Variants in KLHDC7B observed in about 807,000 individuals in gnomAD.
KLHDC7B encodes the protein kelch domain containing 7B.
A neutral mutation model predicts 0.6 loss-of-function variants in KLHDC7B; 1 was observed. The observed-to-expected ratio is 1.71, with a 90% CI of 0.61 to 8.11. The LOEUF is 8.11. Ranked by LOEUF, KLHDC7B falls within the 30% of genes most tolerant of loss-of-function variation. KLHDC7B has a pLI of 0.13. For synonymous variants in KLHDC7B, 462 were observed against 405.2 expected (o/e 1.14, Z -1.68); for missense variants, 993 against 894.9 (o/e 1.11, Z -1.40).
rs751746227 is a variant in KLHDC7B, at chr22:50,548,649, G to T, written c.2406G>T (p.Glu802Asp). 1 of 1,532,312 alleles carries T rather than the reference G, an allele frequency of 6.5e-7. No individual in the cohort carries two copies. The highest frequency in any genetic ancestry group is 2.0e-5 in the Admixed American group (1 of 48,954). The allele number at this position is 1,532,312 out of a possible 1,614,324, so 94.9% of individuals were successfully genotyped here. A position where few individuals can be genotyped will look rare whatever the true frequency, so the allele number is the denominator to read the frequency against. ...SGDPQGEAPG[E>D]GGSPAGRSGA... Reference sequence around the variant, plus strand: ...ACCCTCAAGGGGAGGCGCCGGGGGAGGGGGGCAGCCCTGCCGGCCGCAGCG... The same window carrying T: ...ACCCTCAAGGGGAGGCGCCGGGGGATGGGGGCAGCCCTGCCGGCCGCAGCG... The change falls in exon 1 of 1, where the codon GAG (glutamate) becomes GAT (aspartate). Residue 802 changes from glutamate to aspartate, a missense_variant. Coordinates refer to ENST00000648057, the MANE Select transcript of KLHDC7B (RefSeq NM_138433.5). This position sits in a 1 kb window ranked among gnomAD's most constrained non-coding sequence, Gnocchi z 5.3.
chr22:50,548,571 G>A lies in KLHDC7B; in HGVS notation c.2328G>A (p.Arg776=). 1 of 1,547,668 alleles carries A rather than the reference G, an allele frequency of 6.5e-7. No homozygotes were observed. Among genetic ancestry groups the A allele is most frequent in the East Asian group, 2.4e-5 (1 of 41,074 alleles). The change falls in exon 1 of 1, where the codon AGG becomes AGA. Residue 776 remains arginine, a synonymous_variant. Transcript: ENST00000648057. The surrounding 1 kb of genome is among the most constrained non-coding windows in gnomAD (Gnocchi z 5.3). The part of the protein sequence containing the change: ...QPVPQLRKRS[R]CEIAPSSEQE... ...TACCCCAGCTACGGAAACGCAGCAG[G>A]TGCGAAATCGCCCCGAGCTCGGAGC...
At position 50,547,070 on chromosome 22, in the gene KLHDC7B, T is replaced by C. The variant is rs968046894; in HGVS notation, c.827T>C (p.Leu276Pro). ...AAALDAHARG[L>P]PTGPPLAQEP... is the part of the protein sequence containing the mutation. ...GCCCTGGACGCCCACGCGCGCGGCC[T>C]CCCCACAGGACCCCCACTCGCCCAG... is the stretch of plus-strand genomic sequence containing the variant. The change falls in exon 1 of 1, where the codon CTC (leucine) becomes CCC (proline). Residue 276 changes from leucine to proline, a missense_variant. Coordinates refer to ENST00000648057, the MANE Select transcript of KLHDC7B (RefSeq NM_138433.5). 2.0e-5 allele frequency among the ~76,000 whole-genome samples: 3 copies of C among 151,644 alleles called. No homozygotes were observed. Among genetic ancestry groups the C allele is most frequent in the African/African-American group, 4.8e-5 (2 of 41,330 alleles).
At position 50,548,733 on chromosome 22, in the gene KLHDC7B, C is replaced by A; in HGVS notation, c.2490C>A (p.Pro830=). 1.4e-6 allele frequency: 2 copies of A among 1,476,254 alleles called. No homozygotes were observed. The highest frequency in any genetic ancestry group is 1.4e-5 in the South Asian group (1 of 72,634). The allele number at this position is 1,476,254 out of a possible 1,614,324, so 91.4% of individuals were successfully genotyped here. A position where few individuals can be genotyped will look rare whatever the true frequency, so the allele number is the denominator to read the frequency against. Residue 830 remains proline (P), a synonymous_variant, in exon 1 of 1, where the codon CCC becomes CCA. Coordinates refer to ENST00000648057, the MANE Select transcript of KLHDC7B (RefSeq NM_138433.5). This position sits in a 1 kb window ranked among gnomAD's most constrained non-coding sequence, Gnocchi z 5.3. ...ARKLMVFLQR[P]GGWGVVEGPR... ...AGCTCATGGTGTTTCTGCAGAGGCC[C>A]GGGGGTTGGGGGGTGGTGGAGGGGC...
Position 50,549,541 on chromosome 22 carries a change from C to T in KLHDC7B, c.3298C>T (p.Leu1100Phe), listed in dbSNP as rs201224475. The T allele has an allele frequency of 1.9e-6, 3 of 1,603,744 alleles. No individual in the cohort carries two copies. Among genetic ancestry groups the T allele is most frequent in the Non-Finnish European group, 2.6e-6 (3 of 1,173,910 alleles). ...GGACATCTACGTCACCGGGGGTCAC[C>T]TCTTCTACCGCCTGCTCAGGTACAG... Reference protein sequence around the residue: ...RGDIYVTGGHLFYRLLRYSPV... With the variant: ...RGDIYVTGGHFFYRLLRYSPV... The change falls in exon 1 of 1, where the codon CTC (leucine) becomes TTC (phenylalanine). Residue 1100 changes from leucine to phenylalanine, a missense_variant. Physicochemically the swap from Leu to Phe is conservative, Grantham distance 22. Transcript: ENST00000648057.
In KLHDC7B at chr22:50,549,074, C is replaced by G; in HGVS notation, c.2831C>G (p.Pro944Arg). ...QGGRSGLPRG[P>R]RGEEPPAAAP... ...GGCCGCTCAGGGCTCCCCAGGGGCC[C>G]TCGTGGCGAGGAGCCTCCTGCGGCG... is the stretch of plus-strand genomic sequence containing the variant. Residue 944 changes from proline (P) to arginine (R), a missense_variant, in exon 1 of 1, where the codon CCT (proline) becomes CGT (arginine). Transcript: ENST00000648057. The G allele has an allele frequency of 6.2e-7, 1 of 1,600,046 alleles. No individual in the cohort carries two copies. Among genetic ancestry groups the G allele is most frequent in the Non-Finnish European group, 8.5e-7 (1 of 1,179,320 alleles).
At position 50,549,594 on chromosome 22, in the gene KLHDC7B, C is replaced by A. The variant is rs775221131; in HGVS notation, c.1428C>A (p.Cys476Ter). 6.4e-7 allele frequency: 1 copy of A among 1,568,312 alleles called. No individual in the cohort carries two copies. Residue 476 changes from cysteine (C) to a stop codon, truncating the protein, a stop_gained, in exon 1 of 1, where the codon TGC (cysteine) becomes TGA (stop). Transcript: ENST00000395676. LOFTEE classifies it low-confidence loss of function (END_TRUNC). ...CCGTGAAGGATGCTTGGGACGAGTG[C>A]CCATACAGTGCCAGCCACCGGCGTT...
In KLHDC7B at chr22:50,549,614, G is replaced by A. The variant is rs765638437; in HGVS notation, c.3371G>A (p.Arg1124Gln). Residue 1124 changes from arginine (R) to glutamine (Q), a missense_variant, in exon 1 of 1, where the codon CGG becomes CAG. Arg to Gln is a conservative substitution (Grantham distance 43, BLOSUM62 1). Coordinates refer to ENST00000648057, the MANE Select transcript of KLHDC7B (RefSeq NM_138433.5). ...GAGTGCCCATACAGTGCCAGCCACCGGCGTTCCAGCGACATCGTGGCACTG... is the reference window on the plus strand; with the variant it reads ...GAGTGCCCATACAGTGCCAGCCACCAGCGTTCCAGCGACATCGTGGCACTG... ...WDECPYSASH[R>Q]RSSDIVALGG... 32 of 1,559,020 alleles carry A rather than the reference G, an allele frequency of 2.1e-5. No individual in the cohort carries two copies. The highest frequency in any genetic ancestry group is 6.0e-5 in the South Asian group (5 of 83,288).
Position 50,546,776 on chromosome 22 carries a change from A to C in KLHDC7B, c.533A>C (p.His178Pro), listed in dbSNP as rs2069733776. The change falls in exon 1 of 1, where the codon CAC becomes CCC. Residue 178 changes from histidine to proline, a missense_variant. His to Pro is a moderately conservative substitution (Grantham distance 77, BLOSUM62 -2). Transcript: ENST00000648057. Reference sequence around the variant, plus strand: ...GGGATGTCCGCCCCCCTCCTGATCCACTTCACTCCTCGGAGCCCTGGCAGC... The same window carrying C: ...GGGATGTCCGCCCCCCTCCTGATCCCCTTCACTCCTCGGAGCCCTGGCAGC... ...AGGMSAPLLI[H>P]FTPRSPGSEA... Among the ~76,000 whole-genome samples the C allele has an allele frequency of 6.6e-6, 1 of 152,034 alleles. No individual in the cohort carries two copies. The highest frequency in any genetic ancestry group is 2.4e-5 in the African/African-American group (1 of 41,424).
rs1305456977 is a variant in KLHDC7B at position 50,549,484 on chromosome 22, C to G, written c.3241C>G (p.Pro1081Ala). ...CGCGCCACTCCCCGCAGGCACCTTC[C>G]CTGTGGCCCACGAGGCTGTGGCCTG... Reference protein sequence around the residue: ...PRAPLPAGTFPVAHEAVACRG... With the variant: ...PRAPLPAGTFAVAHEAVACRG... The change falls in exon 1 of 1, where the codon CCT (proline) becomes GCT (alanine). Residue 1081 changes from proline to alanine, a missense_variant. By Grantham distance (27) the Pro-to-Ala change is conservative (BLOSUM62 -1). Transcript: ENST00000648057. 1 of 1,612,480 alleles carries G rather than the reference C, an allele frequency of 6.2e-7. No homozygotes were observed. The highest frequency in any genetic ancestry group is 8.5e-7 in the Non-Finnish European group (1 of 1,179,868).
At position 50,547,495 on chromosome 22, in the gene KLHDC7B, C is replaced by T. The variant is rs2069744759; in HGVS notation, c.1252C>T (p.Arg418Cys). 2.5e-6 allele frequency: 1 copy of T among 394,852 alleles called. No individual in the cohort carries two copies. The highest frequency in any genetic ancestry group is 2.1e-5 in the African/African-American group (1 of 48,464). The allele number at this position is 394,852 out of a possible 1,614,324, so 24.5% of individuals were successfully genotyped here. The change falls in exon 1 of 1, where the codon CGC (arginine) becomes TGC (cysteine). Residue 418 changes from arginine to cysteine, a missense_variant. By Grantham distance (180) the Arg-to-Cys change is radical. Coordinates refer to ENST00000648057, the MANE Select transcript of KLHDC7B (RefSeq NM_138433.5). Reference sequence around the variant, plus strand: ...CTCCCGGAGCCGTGAGCCTCGCCCGCGCTCCGCCTCCCCGCCCGCAGCTCC... The same window carrying T: ...CTCCCGGAGCCGTGAGCCTCGCCCGTGCTCCGCCTCCCCGCCCGCAGCTCC... Reference protein sequence around the residue: ...APSRSREPRPRSASPPAAPGP... With the variant: ...APSRSREPRPCSASPPAAPGP...
chr22:50,549,661 G>C lies in KLHDC7B; in HGVS notation c.3418G>C (p.Asp1140His), dbSNP rs750240598. 2.6e-6 allele frequency: 4 copies of C among 1,557,242 alleles called. No homozygotes were observed. The highest frequency in any genetic ancestry group is 2.3e-5 in the East Asian group (1 of 44,286). ...VALGGFLYRF[D>H]LLRGVGAAVM... ...ACTGGGGGGCTTCCTGTACCGCTTC[G>C]ACCTGCTGCGGGGCGTGGGCGCCGC... The change falls in exon 1 of 1, where the codon GAC (aspartate) becomes CAC (histidine). Residue 1140 changes from aspartate to histidine, a missense_variant. Asp to His is a moderately conservative substitution (Grantham distance 81). Transcript: ENST00000648057.
rs2069736605 is a variant in KLHDC7B at position 50,546,963 on chromosome 22, C to G, written c.720C>G (p.Asp240Glu). ...RRRRMDAGSG[D>E]RARRPRKLDP... ...GGCGGATGGACGCTGGCTCGGGAGA[C>G]AGAGCCCGCCGCCCCCGGAAACTGG... The change falls in exon 1 of 1, where the codon GAC (aspartate) becomes GAG (glutamate). Residue 240 changes from aspartate to glutamate, a missense_variant. By Grantham distance (45) the Asp-to-Glu change is conservative. Transcript: ENST00000648057. Among the ~76,000 whole-genome samples, 1 of 151,546 alleles carries G rather than the reference C, an allele frequency of 6.6e-6. No individual in the cohort carries two copies. The highest frequency in any genetic ancestry group is 1.5e-5 in the Non-Finnish European group (1 of 67,788).
In KLHDC7B at chr22:50,546,549, C is replaced by T. The variant is rs2069730406; in HGVS notation, c.306C>T (p.Gly102=). ...GGAAACCAGAGCCCCCAGGACGCGGCCAGCAGAGCCCTGTCCCTGCTGCAG... is the reference window on the plus strand; with the variant it reads ...GGAAACCAGAGCCCCCAGGACGCGGTCAGCAGAGCCCTGTCCCTGCTGCAG... The part of the protein sequence containing the change: ...GQGKPEPPGR[G]QQSPVPAAAP... The change falls in exon 1 of 1, where the codon GGC becomes GGT. Residue 102 remains glycine, a synonymous_variant. Coordinates refer to ENST00000648057, the MANE Select transcript of KLHDC7B (RefSeq NM_138433.5). 5.0e-6 allele frequency: 2 copies of T among 398,530 alleles called. No homozygotes were observed. The allele number at this position is 398,530 out of a possible 1,614,324, so 24.7% of individuals were successfully genotyped here. A position where few individuals can be genotyped will look rare whatever the true frequency, so the allele number is the denominator to read the frequency against.
Position 50,550,754 on chromosome 22 carries a change from A to G in KLHDC7B, c.*803A>G. ...ACTTCCCTTTCTCCTTGTCTATAAA[A>G]TGTGGACAGTGGACGTCTGTCACCC... On this transcript the variant is annotated 3_prime_UTR_variant, in exon 1 of 1. Coordinates refer to ENST00000648057, the MANE Select transcript of KLHDC7B (RefSeq NM_138433.5). The G allele has an allele frequency of 5.9e-6, 1 of 169,688 alleles. No homozygotes were observed. The highest frequency in any genetic ancestry group is 1.4e-5 in the Non-Finnish European group (1 of 69,610). 10.5% of individuals were successfully genotyped at this position (169,688 alleles called of 1,614,324 possible).
In KLHDC7B at chr22:50,548,322, T is replaced by C. The variant is rs2069757086; in HGVS notation, c.2079T>C (p.Gly693=). ...CAGTGGGGACAGTCATAGGGACAGG[T>C]ACAGGGGGCCTGGTTGAGGCTGGAG... ...SSSVGTVIGT[G]TGGLVEAGGQ... The change falls in exon 1 of 1, where the codon GGT becomes GGC. Residue 693 remains glycine, a synonymous_variant. Coordinates refer to ENST00000648057, the MANE Select transcript of KLHDC7B (RefSeq NM_138433.5). The surrounding 1 kb of genome is among the most constrained non-coding windows in gnomAD (Gnocchi z 5.3). 3.2e-6 allele frequency: 5 copies of C among 1,550,264 alleles called. No homozygotes were observed. In the East Asian group the frequency reaches 1.2e-4, roughly 38 times the overall value.
chr22:50,550,002 C>CTGGGATGGGCCTGAGAGG lies in KLHDC7B; in HGVS notation c.*52_*69dup. 6.8e-7 allele frequency: 1 copy of CTGGGATGGGCCTGAGAGG among 1,461,092 alleles called. No homozygotes were observed. The highest frequency in any genetic ancestry group is 9.1e-7 in the Non-Finnish European group (1 of 1,098,158). The allele number at this position is 1,461,092 out of a possible 1,614,324, so 90.5% of individuals were successfully genotyped here. A position where few individuals can be genotyped will look rare whatever the true frequency, so the allele number is the denominator to read the frequency against. ...TTCGCTGCTCTCCAGGGAGACCCTCCTGGGATGGGCCTGAGAGGCCGGGGC... is the reference window on the plus strand; with the variant it reads ...TTCGCTGCTCTCCAGGGAGACCCTCCTGGGATGGGCCTGAGAGGTGGGATGGGCCTGAGAGGCCGGGGC... On this transcript the variant is annotated 3_prime_UTR_variant, in exon 1 of 1. Transcript: ENST00000648057.
rs1221319913 is a variant in KLHDC7B at position 50,548,240 on chromosome 22, G to A, written c.1997G>A (p.Ser666Asn). ...AGTGTCCCGAGGGCGGTTCCCGGGA[G>A]CCCCGTGGGTCCCAGCACTTCCACA... ...QGSVPRAVPG[S>N]PVGPSTSTHS... is the part of the protein sequence containing the mutation. The change falls in exon 1 of 1, where the codon AGC (serine) becomes AAC (asparagine). Residue 666 changes from serine to asparagine, a missense_variant. Coordinates refer to ENST00000648057, the MANE Select transcript of KLHDC7B (RefSeq NM_138433.5). The surrounding 1 kb of genome is among the most constrained non-coding windows in gnomAD (Gnocchi z 5.3). 1 of 1,550,700 alleles carries A rather than the reference G, an allele frequency of 6.4e-7. No individual in the cohort carries two copies. The highest frequency in any genetic ancestry group is 2.0e-5 in the Admixed American group (1 of 50,986).
At position 50,548,366 on chromosome 22, in the gene KLHDC7B, G is replaced by A; in HGVS notation, c.2123G>A (p.Ser708Asn). 1.3e-6 allele frequency: 2 copies of A among 1,551,500 alleles called. No individual in the cohort carries two copies. The highest frequency in any genetic ancestry group is 2.4e-5 in the East Asian group (1 of 41,044). The part of the protein sequence containing the change: ...VEAGGQPQPR[S>N]SETNGSPSPD... ...GCTGGAGGTCAGCCACAGCCAAGAA[G>A]CTCCGAGACCAACGGATCGCCCAGC... The change falls in exon 1 of 1, where the codon AGC becomes AAC. Residue 708 changes from serine to asparagine, a missense_variant. Physicochemically the swap from Ser to Asn is conservative, Grantham distance 46. Transcript: ENST00000648057. The surrounding 1 kb of genome is among the most constrained non-coding windows in gnomAD (Gnocchi z 5.3).
At position 50,549,370 on chromosome 22, in the gene KLHDC7B, G is replaced by GC; in HGVS notation, c.1207dup (p.Leu403ProfsTer185). On this transcript the variant is annotated frameshift_variant, in exon 1 of 1. Coordinates refer to the KLHDC7B transcript ENST00000395676. LOFTEE classifies it low-confidence loss of function (END_TRUNC). ...GGCCCGAGCCCAGCTCAAGCTGGTG[G>GC]CCCTGGACGGGCTGCTCTATGCCAT... 1 of 1,612,864 alleles carries GC rather than the reference G, an allele frequency of 6.2e-7. No individual in the cohort carries two copies. The highest frequency in any genetic ancestry group is 8.5e-7 in the Non-Finnish European group (1 of 1,179,938).
Sources: allele counts gnomAD v4.1 joint callset (sites outside exome capture counted in the v4.1 genomes callset), GRCh38; gene constraint gnomAD v4.1.1; non-coding constraint Gnocchi (gnomAD v3.1); transcripts MANE v1.5; gene names NCBI Gene and HGNC (gene_info 2026-07-23, HGNC 2026-07-21).